The following OAT variants were observed in gnomAD, a reference collection of about 807,000 sequenced individuals.
OAT encodes the protein ornithine aminotransferase.
OAT carries 35 observed loss-of-function variants against 48.4 expected under a neutral mutation model. The ratio of observed to expected loss-of-function variants is 0.72; its 90% CI spans 0.55 to 0.96. The LOEUF is 0.96. OAT is among the 40% of genes least tolerant of loss of function. The probability of loss-of-function intolerance (pLI) is 0.00; values close to 1 mark genes in which losing one functional copy is unlikely to be tolerated. For synonymous variants in OAT, 182 were observed against 198.4 expected, an observed-to-expected ratio of 0.92 and a Z score of 0.70; for missense variants, 438 against 537.9, an observed-to-expected ratio of 0.81 and a Z score of 1.84.
chr10:124,418,463 G>T (rs973088071), intron 1 of OAT, among the ~76,000 whole-genome samples: 1 of 152,214 alleles, frequency 6.6e-6, no homozygotes, highest in African/African-American at 2.4e-5. Flanking sequence ...CTCTGGGCCG[G>T]GTGGGCCGAG....
chr10:124,399,802 TTTA>T (rs1951349871), intron 9 of OAT, among the ~76,000 whole-genome samples: 1 of 152,170 alleles, frequency 6.6e-6, no homozygotes, highest in Admixed American at 6.5e-5. Flanking sequence ...CAGCATTATT[TTTA>T]TTATTGACCC....
chr10:124,403,311 G>A, intron 6 of OAT: 1 of 552,832 alleles, frequency 1.8e-6, no homozygotes, highest in East Asian at 3.2e-5. Flanking sequence ...GTGAAAAGGT[G>A]CTGATGCAAA....
chr10:124,413,437 G>C (rs1003688537), intron 1 of OAT, among the ~76,000 whole-genome samples: 10 of 152,136 alleles, frequency 6.6e-5, no homozygotes, highest in African/African-American at 2.4e-4. Context: ...TATAATCCCA[G>C]CACTTTGGGT....
intron 5 of OAT, among the ~76,000 whole-genome samples, chr10:124,404,286 G>T (rs1230214465): frequency 4.8e-5 from 7 of 145,824 alleles, no homozygotes; most frequent in African/African-American, 1.8e-4. Context: ...TTTTTTTTTG[G>T]AGATGGAGTC....
In OAT at chr10:124,412,512, G is replaced by GAAA; in HGVS notation, c.-29-315_-29-313dup. ...GAGACAAAGAAAGGCCCAGTCTCAA[G>GAAA]AAAAAAAAAATGGCCAGGCGTGATA... is the stretch of plus-strand genomic sequence containing the variant. On this transcript the variant is annotated intron_variant, in intron 1 of 9. Transcript: ENST00000368845. Among the ~76,000 whole-genome samples the GAAA allele has an allele frequency of 2.0e-5, 3 of 147,602 alleles. No homozygotes were observed. The South Asian group carries it at 6.4e-4, about 32-fold the overall frequency.
At position 124,402,793 on chromosome 10, in the gene OAT, C is replaced by T. The variant is rs139801164; in HGVS notation, c.900+134G>A. 4.8e-5 allele frequency: 55 copies of T among 1,136,742 alleles called. No homozygotes were observed. In the East Asian group the frequency reaches 6.6e-4, roughly 14 times the overall value. The allele number at this position is 1,136,742 out of a possible 1,614,324, so 70.4% of individuals were successfully genotyped here. A position where few individuals can be genotyped will look rare whatever the true frequency, so the allele number is the denominator to read the frequency against. ...TTAAATGTTTTTATTACAGATATTC[C>T]GGGTGGCCTGCAGCACACTTGGTAA... On this transcript the variant is annotated intron_variant, in intron 7 of 9. Transcript: ENST00000368845.
intron 4 of OAT, among the ~76,000 whole-genome samples, chr10:124,406,661 CA>C (rs1277574957): frequency 4.0e-5 from 6 of 151,668 alleles, no homozygotes; most frequent in African/African-American, 1.5e-4. Flanking sequence ...ACTAAAAATA[CA>C]AAAATTAGCT....
chr10:124,414,162 A>C (rs564019535), intron 1 of OAT: 1 of 152,356 alleles, frequency 6.6e-6, no homozygotes, highest in African/African-American at 2.4e-5. Context: ...AAGTCTACCA[A>C]TGACAAGTCA....
chr10:124,413,706 A>G (rs1951832150), intron 1 of OAT, among the ~76,000 whole-genome samples: 1 of 152,146 alleles, frequency 6.6e-6, no homozygotes, highest in Non-Finnish European at 1.5e-5. Flanking sequence ...ACAAACGAAA[A>G]AGCTATTGTT....
At chr10:124,403,743 A>G (rs1589702156) in intron 6 of OAT, 55 bp downstream of exon 6, 2 of 1,612,494 alleles carry the variant, frequency 1.2e-6, no homozygotes, top group East Asian at 4.5e-5. Flanking sequence ...ATTCAGCCTC[A>G]TCACAAACAG....
At chr10:124,408,313 G>GTA (rs1477021305) in intron 4 of OAT, among the ~76,000 whole-genome samples, 3 of 60,926 alleles carry the variant, frequency 4.9e-5, no homozygotes, top group African/African-American at 8.3e-5. Context: ...GTGTGTGTGT[G>GTA]TGTGTATATA....
At chr10:124,411,450 T>C (rs944147371) in intron 2 of OAT, among the ~76,000 whole-genome samples, 8 of 152,096 alleles carry the variant, frequency 5.3e-5, no homozygotes, top group African/African-American at 1.9e-4. Flanking sequence ...CTTGGTAAGG[T>C]CTACATGACA....
At chr10:124,413,263 T>TAC (rs1226101036) in intron 1 of OAT, among the ~76,000 whole-genome samples, 5 of 112,214 alleles carry the variant, frequency 4.5e-5, no homozygotes, top group African/African-American at 1.5e-4. Flanking sequence ...CATACATAAA[T>TAC]ACATACACAC....
At chr10:124,404,029 G>A (rs1009873404) in intron 5 of OAT, 109 bp from the exon 6 acceptor site, 218 of 1,313,806 alleles carry the variant, frequency 1.7e-4, no homozygotes, top group Non-Finnish European at 1.5e-4. Flanking sequence ...TCAAGTTTTC[G>A]CACTAACGTA....
intron 7 of OAT, 43 bp from the exon 8 acceptor site, chr10:124,401,882 C>T: frequency 7.0e-7 from 1 of 1,421,394 alleles, no homozygotes; most frequent in Non-Finnish European, 9.9e-7. Context: ...CAGCACTAAG[C>T]ATTCTACTAA....
intron 7 of OAT, among the ~76,000 whole-genome samples, chr10:124,402,511 G>C (rs555122673): frequency 6.6e-6 from 1 of 152,314 alleles, no homozygotes; most frequent in East Asian, 1.9e-4. Flanking sequence ...CTCTGATGTA[G>C]TAACAATTAC....
At chr10:124,418,786 C>T (rs12780760) in intron 1 of OAT, 87 bp downstream of exon 1, 53,497 of 152,018 alleles carry the variant, frequency 0.35, 10,695 homozygotes, top group East Asian at 0.64. Flanking sequence ...GCGGCCACCC[C>T]GCGCCCGCCC....
chr10:124,405,735 G>A, intron 4 of OAT, 172 bp from the exon 5 acceptor site: 1 of 1,440,606 alleles, frequency 6.9e-7, no homozygotes. Flanking sequence ...TAAACACCAT[G>A]GCTCCTATGA....
intron 8 of OAT, 51 bp downstream of exon 8, chr10:124,401,675 C>T (rs1421293276): frequency 2.4e-6 from 3 of 1,262,456 alleles, no homozygotes; most frequent in African/African-American, 2.9e-5. Flanking sequence ...TTAAAAATCA[C>T]TTCAACATTG....
Sources: allele counts gnomAD v4.1 joint callset (sites outside exome capture counted in the v4.1 genomes callset), GRCh38; gene constraint gnomAD v4.1.1; transcripts MANE v1.5; gene names NCBI Gene and HGNC (gene_info 2026-07-23, HGNC 2026-07-21).